The following FBXL17 variants were observed in gnomAD, a reference collection of about 807,000 sequenced individuals.
The protein encoded by FBXL17 is F-box and leucine rich repeat protein 17.
FBXL17 carries 22 observed loss-of-function variants against 66.2 expected under a neutral mutation model. The ratio of observed to expected loss-of-function variants is 0.33; its 90% CI spans 0.24 to 0.47. The LOEUF is 0.47. Among genes scored for constraint, FBXL17 ranks in the 20% least tolerant of loss-of-function variants. The probability of loss-of-function intolerance (pLI) is 1.00; values close to 1 mark genes in which losing one functional copy is unlikely to be tolerated. For synonymous variants in FBXL17, 474 were observed against 400.5 expected (o/e 1.18, Z -2.19); for missense variants, 878 against 948.2 (o/e 0.93, Z 0.97).
chr5:108,274,291 G>T (rs1473060943), intron 4 of FBXL17, among the ~76,000 whole-genome samples: 2 of 152,144 alleles, frequency 1.3e-5, no homozygotes, highest in Admixed American at 6.5e-5. Flanking sequence ...GCCCGGGGGG[G>T]CCAGTTTAGA....
chr5:107,915,939 C>T (rs1483121358), intron 7 of FBXL17, among the ~76,000 whole-genome samples: 1 of 152,186 alleles, frequency 6.6e-6, no homozygotes, highest in East Asian at 1.9e-4. Context: ...CCAGTAGGCA[C>T]CTTGGACTTC....
At chr5:107,997,051 G>C (rs1242408888) in intron 7 of FBXL17, among the ~76,000 whole-genome samples, 4 of 152,150 alleles carry the variant, frequency 2.6e-5, no homozygotes, top group African/African-American at 9.7e-5. Flanking sequence ...CTGTCTCCTG[G>C]TCCCTTTGCA....
chr5:108,087,088 T>G (rs1293380455), intron 6 of FBXL17, among the ~76,000 whole-genome samples: 2 of 152,146 alleles, frequency 1.3e-5, no homozygotes, highest in Non-Finnish European at 1.5e-5. Flanking sequence ...CAGAACACTC[T>G]GGTGAATGGA....
intron 5 of FBXL17, among the ~76,000 whole-genome samples, chr5:108,203,935 C>T (rs1384206144): frequency 6.6e-6 from 1 of 152,098 alleles, no homozygotes; most frequent in African/African-American, 2.4e-5. Context: ...CATTTCCAAC[C>T]ATAAGCACTT....
chr5:108,199,272 T>C (rs915309022), intron 5 of FBXL17, among the ~76,000 whole-genome samples: 1 of 152,170 alleles, frequency 6.6e-6, no homozygotes, highest in Admixed American at 6.6e-5. Context: ...TGTCTTTTAA[T>C]TGTCAATCAA....
At chr5:108,250,859 C>T (rs1428122158) in intron 4 of FBXL17, among the ~76,000 whole-genome samples, 1 of 151,972 alleles carries the variant, frequency 6.6e-6, no homozygotes, top group Admixed American at 6.6e-5. Flanking sequence ...ACATTCTTTG[C>T]AGCTTTTTTT....
At chr5:108,040,563 T>C (rs1373119360) in intron 6 of FBXL17, among the ~76,000 whole-genome samples, 3 of 152,174 alleles carry the variant, frequency 2.0e-5, no homozygotes, top group African/African-American at 7.2e-5. Context: ...TAAGACGATA[T>C]ATATTTTCCC....
At chr5:108,154,209 A>T (rs1331116018) in intron 6 of FBXL17, among the ~76,000 whole-genome samples, 1 of 151,648 alleles carries the variant, frequency 6.6e-6, no homozygotes, top group African/African-American at 2.4e-5. Context: ...GAGAGGAGAG[A>T]AAGGGATATT....
chr5:107,880,396 C>A, intron 8 of FBXL17: 1 of 986,562 alleles, frequency 1.0e-6, no homozygotes, highest in Non-Finnish European at 1.2e-6. Flanking sequence ...TCTCAGTCTT[C>A]AAAGGGTCCC....
intron 4 of FBXL17, among the ~76,000 whole-genome samples, chr5:108,342,773 A>G (rs910241050): frequency 1.3e-5 from 2 of 152,200 alleles, no homozygotes; most frequent in Non-Finnish European, 2.9e-5. Flanking sequence ...ATTATATAAA[A>G]CAGCATAGTA....
intron 7 of FBXL17, among the ~76,000 whole-genome samples, chr5:107,941,786 C>G (rs1580732408): frequency 1.3e-5 from 2 of 152,124 alleles, no homozygotes; most frequent in South Asian, 4.1e-4. Flanking sequence ...TAATTCAATT[C>G]GAACCTAATT....
chr5:108,020,360 T>C (rs909350014), intron 7 of FBXL17, among the ~76,000 whole-genome samples: 1 of 151,966 alleles, frequency 6.6e-6, no homozygotes, highest in Non-Finnish European at 1.5e-5. Context: ...TTTTTCATAA[T>C]TGTAGAAAAC....
chr5:107,908,237 T>C lies in FBXL17; in HGVS notation c.1823-27058A>G, dbSNP rs1203248063. Among the ~76,000 whole-genome samples, 29 of 152,166 alleles carry C rather than the reference T, an allele frequency of 1.9e-4. 1 individual carries two copies. The highest frequency in any genetic ancestry group is 1.9e-3 in the Admixed American group (29 of 15,272). On this transcript the variant is annotated intron_variant, in intron 7 of 8. Transcript: ENST00000542267. Reference sequence around the variant, plus strand: ...TAACCAACATGATTCTACCTGGCAGTAGGCTAAGAACTAATTCTGATGTAT... The same window carrying C: ...TAACCAACATGATTCTACCTGGCAGCAGGCTAAGAACTAATTCTGATGTAT...
chr5:107,881,313 A>C, intron 7 of FBXL17, 134 bp from the exon 8 acceptor site: 2 of 540,822 alleles, frequency 3.7e-6, no homozygotes, highest in South Asian at 8.7e-5. Context: ...TTTATAAACT[A>C]AACTAAATTT....
intron 4 of FBXL17, among the ~76,000 whole-genome samples, chr5:108,273,453 C>G (rs1757359758): frequency 6.6e-6 from 1 of 151,648 alleles, no homozygotes. Context: ...AAGAACAAAA[C>G]AAATGCAGAA....
At chr5:108,141,255 C>A (rs1393165967) in intron 6 of FBXL17, among the ~76,000 whole-genome samples, 2 of 152,124 alleles carry the variant, frequency 1.3e-5, no homozygotes, top group African/African-American at 4.8e-5. Flanking sequence ...AGTCTCAGGT[C>A]CGGTGTTTTT....
chr5:108,224,074 C>T (rs1334019215), intron 5 of FBXL17, 47 bp downstream of exon 5: 12 of 955,424 alleles, frequency 1.3e-5, no homozygotes, highest in Non-Finnish European at 1.8e-5. Context: ...GGCTCATCAC[C>T]TGTATGATAC....
chr5:108,112,128 G>A (rs1750059225), intron 6 of FBXL17, among the ~76,000 whole-genome samples: 1 of 152,212 alleles, frequency 6.6e-6, no homozygotes, highest in South Asian at 2.1e-4. Flanking sequence ...ATGCTGGGAA[G>A]AGTGCCAGAA....
chr5:108,178,376 C>T (rs918600940), intron 6 of FBXL17, among the ~76,000 whole-genome samples: 3 of 151,840 alleles, frequency 2.0e-5, no homozygotes, highest in East Asian at 1.9e-4. Context: ...TTTGGAAGCC[C>T]GGAATAATAG....
Sources: gnomAD v4.1 joint callset for allele counts (sites outside exome capture counted in the v4.1 genomes callset) on GRCh38, gnomAD v4.1.1 for gene constraint, MANE v1.5 for transcripts, NCBI Gene and HGNC (gene_info 2026-07-23, HGNC 2026-07-21) for gene names.